Variants in HK2 observed in about 807,000 individuals in gnomAD.
HK2 encodes the protein hexokinase-2.
HK2 carries 42 observed loss-of-function variants against 92.9 expected under a neutral mutation model. The ratio of observed to expected loss-of-function variants is 0.45; its 90% CI spans 0.35 to 0.58. HK2 has a LOEUF of 0.58. Ranked by LOEUF, HK2 falls within the 20% of genes least tolerant of loss-of-function variation. The pLI is 0.00. For missense variants in HK2, 978 were observed against 1,245.1 expected (o/e 0.79, Z 3.23); for synonymous variants, 422 against 468.0 (o/e 0.90, Z 1.27).
In HK2 at chr2:74,872,350, A is replaced by T. The variant is rs2229621; in HGVS notation, c.426A>T (p.Gln142His). The T allele has an allele frequency of 0.18, 293,974 of 1,613,314 alleles. 27,443 individuals carry two copies. Among genetic ancestry groups the T allele is most frequent in the Middle Eastern group, 0.24 (1,432 of 6,062 alleles). ...ECLANFMDKL[Q>H]IKDKKLPLGF... is the part of the protein sequence containing the mutation. ...TGGCTAACTTCATGGATAAGCTACA[A>T]ATCAAAGACAAGAAGCTCCCACTGG... Residue 142 changes from glutamine to histidine, a missense_variant, in exon 4 of 18, where the codon CAA (glutamine) becomes CAT (histidine). By Grantham distance (24) the Gln-to-His change is conservative (BLOSUM62 0). Transcript: ENST00000290573.
intron 2 of HK2, among the ~76,000 whole-genome samples, chr2:74,857,873 T>C (rs1688730237): frequency 6.6e-6 from 1 of 152,148 alleles, no homozygotes; most frequent in Non-Finnish European, 1.5e-5. Flanking sequence ...ATTCCCCCCA[T>C]GTGGTCGCAC....
chr2:74,866,040 G>A (rs182885028), intron 2 of HK2, among the ~76,000 whole-genome samples: 1 of 152,078 alleles, frequency 6.6e-6, no homozygotes, highest in African/African-American at 2.4e-5. Context: ...AGCAGGTGAT[G>A]TGGGCTCCAG....
chr2:74,874,420 C>T lies in HK2; in HGVS notation c.846C>T (p.Asp282=). 1 of 1,610,018 alleles carries T rather than the reference C, an allele frequency of 6.2e-7. No homozygotes were observed. Among genetic ancestry groups the T allele is most frequent in the Non-Finnish European group, 8.5e-7 (1 of 1,177,658 alleles). ...GCACTGAGTTTGACCAGGAGATTGA[C>T]ATGGGCTCACTGAACCCGGGAAAGC... ...DIRTEFDQEI[D]MGSLNPGKQL... is the part of the protein sequence containing the mutation. The change falls in exon 7 of 18, where the codon GAC becomes GAT. Residue 282 remains aspartate, a synonymous_variant. Transcript: ENST00000290573.
At chr2:74,889,221 C>T in intron 16 of HK2, 24 bp from the exon 17 acceptor site, 1 of 1,589,622 alleles carries the variant, frequency 6.3e-7, no homozygotes, top group South Asian at 1.1e-5. Context: ...TGACTGAACA[C>T]TTGCTGTCTC....
intron 5 of HK2, 89 bp downstream of exon 5, chr2:74,873,460 G>A: frequency 1.2e-6 from 1 of 860,830 alleles, no homozygotes; most frequent in Non-Finnish European, 1.9e-6. Context: ...ATCATTGTTT[G>A]CTTACGTGGA....
intron 2 of HK2, among the ~76,000 whole-genome samples, chr2:74,861,222 C>A (rs1311196957): frequency 1.3e-5 from 2 of 152,128 alleles, no homozygotes; most frequent in Non-Finnish European, 2.9e-5. Flanking sequence ...GAGGTCAGGA[C>A]CAGCCTGGCC....
chr2:74,840,423 C>T (rs1238774648), intron 1 of HK2, among the ~76,000 whole-genome samples: 2 of 151,942 alleles, frequency 1.3e-5, no homozygotes, highest in African/African-American at 4.8e-5. Context: ...AACTTGGAGC[C>T]CCAGAAAACT....
At chr2:74,862,637 A>G (rs950631600) in intron 2 of HK2, among the ~76,000 whole-genome samples, 1 of 152,232 alleles carries the variant, frequency 6.6e-6, no homozygotes, top group Non-Finnish European at 1.5e-5. Flanking sequence ...CAGCGGAGAC[A>G]TACATCCAGA....
At chr2:74,866,476 G>A (rs1440460437) in intron 2 of HK2, among the ~76,000 whole-genome samples, 2 of 152,176 alleles carry the variant, frequency 1.3e-5, no homozygotes, top group African/African-American at 2.4e-5. Context: ...TGCCTGCTCC[G>A]CCAGCCCCTG....
Position 74,889,534 on chromosome 2 carries a change from C to G in HK2, c.2609+56C>G, listed in dbSNP as rs919772199. The stretch of plus-strand genomic sequence containing the variant: ...ACCTTCTTTCTGTCTTTGTTCTTTC[C>G]CTTTTCTTTCTCTCTTTCCTTTGTT... On this transcript the variant is annotated intron_variant, in intron 17 of 17. Transcript: ENST00000290573. 10 of 1,163,396 alleles carry G rather than the reference C, an allele frequency of 8.6e-6. No homozygotes were observed. The African/African-American group carries it at 1.5e-4, about 18-fold the overall frequency. 72.1% of individuals were successfully genotyped at this position (1,163,396 alleles called of 1,614,324 possible). A position where few individuals can be genotyped will look rare whatever the true frequency, so the allele number is the denominator to read the frequency against.
chr2:74,879,632 ACAGCCCCCAGTAGGCTG>A (rs1328341008), intron 9 of HK2, among the ~76,000 whole-genome samples: 5 of 152,172 alleles, frequency 3.3e-5, no homozygotes, highest in Non-Finnish European at 7.3e-5. Context: ...CGCATCTCTA[ACAGCCCCCAGTAGGCTG>A]CAGCCTACTC....
intron 3 of HK2, among the ~76,000 whole-genome samples, chr2:74,868,751 TAAGAC>T (rs1689023787): frequency 6.6e-6 from 1 of 152,218 alleles, no homozygotes; most frequent in Non-Finnish European, 1.5e-5. Flanking sequence ...GTAAACTAGA[TAAGAC>T]AAAACAAAAC....
chr2:74,878,929 A>AAGG lies in HK2; in HGVS notation c.1265+8_1265+9insAGG. On this transcript the variant is annotated intron_variant, in intron 9 of 17. Transcript: ENST00000290573. ...CTACAAGAAACACCCCCAGTGAGTC[A>AAGG]GTGTGCAGGGCCTGGAGATGCGGAG... The AAGG allele has an allele frequency of 6.5e-7, 1 of 1,547,264 alleles. No individual in the cohort carries two copies. The highest frequency in any genetic ancestry group is 8.7e-7 in the Non-Finnish European group (1 of 1,143,266).
chr2:74,873,962 T>C lies in HK2; in HGVS notation c.691+19T>C, dbSNP rs769708471. The C allele has an allele frequency of 1.3e-6, 2 of 1,580,750 alleles. No homozygotes were observed. The highest frequency in any genetic ancestry group is 2.7e-5 in the African/African-American group (2 of 74,292). The stretch of plus-strand genomic sequence containing the variant: ...ATTGTGGGTGAGTGAACACCGTGCA[T>C]GAAGGGCCCGTGCTGGCCAAGGGAT... On this transcript the variant is annotated intron_variant, in intron 6 of 17. Transcript: ENST00000290573.
intron 3 of HK2, 77 bp downstream of exon 3, chr2:74,867,861 G>A (rs1300731420): frequency 3.9e-6 from 6 of 1,546,312 alleles, no homozygotes; most frequent in South Asian, 1.1e-5. Context: ...TTCTCCAGCC[G>A]CTCCCAGCGT....
intron 1 of HK2, 80 bp from the exon 2 acceptor site, chr2:74,854,213 T>G: frequency 3.8e-6 from 5 of 1,322,176 alleles, no homozygotes; most frequent in Non-Finnish European, 5.4e-6. Flanking sequence ...TTTGAAGAGC[T>G]GAGTGGTGTT....
intron 1 of HK2, among the ~76,000 whole-genome samples, chr2:74,840,335 G>T (rs771036043): frequency 6.6e-6 from 1 of 151,510 alleles, no homozygotes; most frequent in African/African-American, 2.4e-5. Context: ...GCAATTGGAG[G>T]TCCTTTTCCA....
chr2:74,866,053 C>T (rs1362615705), intron 2 of HK2, among the ~76,000 whole-genome samples: 2 of 152,052 alleles, frequency 1.3e-5, no homozygotes, highest in Non-Finnish European at 2.9e-5. Context: ...GGCTCCAGAG[C>T]CAGTCTCCGT....
rs200477291 is a variant in HK2 at position 74,881,768 on chromosome 2, T to C, written c.1628T>C (p.Val543Ala). 6.2e-7 allele frequency: 1 copy of C among 1,614,188 alleles called. No individual in the cohort carries two copies. The highest frequency in any genetic ancestry group is 1.1e-5 in the South Asian group (1 of 91,086). ...GGAACAAATTTCCGGGTCCTGCTGG[T>C]CCGTGTTCGGAATGGGAAGTGGGGT... ...LGGTNFRVLLVRVRNGKWGGV... is the reference protein window; with the variant it reads ...LGGTNFRVLLARVRNGKWGGV... The change falls in exon 11 of 18, where the codon GTC becomes GCC. Residue 543 changes from valine (V) to alanine (A), a missense_variant. By Grantham distance (64) the Val-to-Ala change is moderately conservative (BLOSUM62 0). Around this residue, in one of 3 missense-constraint regions of HK2, gnomAD observed 742 missense variants for 922.5 expected, o/e 0.80. Coordinates refer to ENST00000290573, the MANE Select transcript of HK2 (RefSeq NM_000189.5).
Sources: allele counts gnomAD v4.1 joint callset (sites outside exome capture counted in the v4.1 genomes callset), GRCh38; gene constraint gnomAD v4.1.1; regional missense constraint gnomAD v4.1.1; transcripts MANE v1.5; gene names NCBI Gene and HGNC (gene_info 2026-07-23, HGNC 2026-07-21).